The following MTREX variants were observed in gnomAD, a reference collection of about 807,000 sequenced individuals.
MTREX encodes the protein exosome RNA helicase MTR4.
MTREX carries 76 observed loss-of-function variants against 135.4 expected under a neutral mutation model. That is an observed-to-expected ratio of 0.56 (90% CI 0.47 to 0.68). The LOEUF (loss-of-function observed/expected upper bound fraction) is 0.68, where lower values mean the gene tolerates loss of function less well. Ranked by LOEUF, MTREX falls within the 30% of genes least tolerant of loss-of-function variation. The pLI is 0.00. For missense variants in MTREX, 920 were observed against 1,262.1 expected (o/e 0.73, Z 4.11); for synonymous variants, 404 against 401.6 (o/e 1.01, Z -0.07).
Position 55,400,496 on chromosome 5 carries a change from A to G in MTREX, c.2481+75A>G, listed in dbSNP as rs1208953833. ...ATAAATATGTGTTTGTCATTTTCTT[A>G]TCCTGTTGGTTTAATTGGCTAAAAC... is the stretch of plus-strand genomic sequence containing the variant. On this transcript the variant is annotated intron_variant, in intron 21 of 26. Coordinates refer to ENST00000230640, the MANE Select transcript of MTREX (RefSeq NM_015360.5). The G allele has an allele frequency of 5.7e-6, 6 of 1,061,278 alleles. No individual in the cohort carries two copies. In the Admixed American group the frequency reaches 7.9e-5, roughly 14 times the overall value. 65.7% of individuals were successfully genotyped at this position (1,061,278 alleles called of 1,614,324 possible).
chr5:55,358,354 T>G (rs1362176405), intron 14 of MTREX, among the ~76,000 whole-genome samples: 3 of 152,188 alleles, frequency 2.0e-5, no homozygotes, highest in African/African-American at 7.2e-5. Flanking sequence ...AAATTTAGTT[T>G]TGTTATGTCA....
chr5:55,344,696 A>G, intron 9 of MTREX, 76 bp downstream of exon 9: 1 of 831,978 alleles, frequency 1.2e-6, no homozygotes, highest in East Asian at 2.9e-5. Flanking sequence ...TTGTTTTTAA[A>G]TTTTGAATTA....
intron 23 of MTREX, among the ~76,000 whole-genome samples, chr5:55,413,235 G>A (rs1025306344): frequency 1.3e-5 from 2 of 151,728 alleles, no homozygotes; most frequent in African/African-American, 4.8e-5. Flanking sequence ...TACTCAGGAG[G>A]CTGAGGCAGG....
chr5:55,335,204 A>T (rs1749535712), intron 5 of MTREX, among the ~76,000 whole-genome samples: 1 of 152,092 alleles, frequency 6.6e-6, no homozygotes, highest in Admixed American at 6.6e-5. Flanking sequence ...AGAAGTCTTT[A>T]TTAGCATACA....
chr5:55,321,402 A>G (rs1212560125), intron 1 of MTREX, among the ~76,000 whole-genome samples: 2 of 152,058 alleles, frequency 1.3e-5, no homozygotes, highest in East Asian at 3.9e-4. Flanking sequence ...GTTATCTTTT[A>G]AAAATTGATT....
intron 5 of MTREX, among the ~76,000 whole-genome samples, chr5:55,339,200 CTGTT>C (rs1263870967): frequency 2.0e-5 from 3 of 152,026 alleles, no homozygotes. Context: ...TCATACTTTC[CTGTT>C]TGTTTTTATA....
At chr5:55,401,639 C>T (rs1008564154) in intron 21 of MTREX, among the ~76,000 whole-genome samples, 4 of 152,188 alleles carry the variant, frequency 2.6e-5, no homozygotes, top group African/African-American at 4.8e-5. Flanking sequence ...TTCTCTACAT[C>T]TTCGCCAGCA....
At chr5:55,402,729 C>CT (rs920173971) in intron 21 of MTREX, among the ~76,000 whole-genome samples, 143 of 146,854 alleles carry the variant, frequency 9.7e-4, no homozygotes, top group Middle Eastern at 3.5e-3. Context: ...TTATAGTGGT[C>CT]TTTTTTTTTT....
Position 55,366,844 on chromosome 5 carries a change from G to A in MTREX, c.1779G>A (p.Gln593=). 1 of 1,609,170 alleles carries A rather than the reference G, an allele frequency of 6.2e-7. No individual in the cohort carries two copies. Among genetic ancestry groups the A allele is most frequent in the Non-Finnish European group, 8.5e-7 (1 of 1,177,538 alleles). Residue 593 remains glutamine, a synonymous_variant, in exon 16 of 27, where the codon CAG becomes CAA. Coordinates refer to ENST00000230640, the MANE Select transcript of MTREX (RefSeq NM_015360.5). ...TGGAAAAATCCTTCTACCAGTTTCA[G>A]CATTATAGAGCAATTCCAGGAGTAG... ...YMLEKSFYQF[Q]HYRAIPGVVE...
chr5:55,358,349 T>C (rs944474488), intron 14 of MTREX, among the ~76,000 whole-genome samples: 5 of 152,194 alleles, frequency 3.3e-5, no homozygotes, highest in Non-Finnish European at 4.4e-5. Flanking sequence ...GTCTAAAATT[T>C]AGTTTTGTTA....
intron 18 of MTREX, 94 bp downstream of exon 18, chr5:55,379,289 C>T: frequency 2.9e-6 from 2 of 694,970 alleles, no homozygotes; most frequent in East Asian, 5.9e-5. Flanking sequence ...AATAATATTA[C>T]CTGAAGAGAA....
At chr5:55,373,873 G>C (rs1282678138) in intron 16 of MTREX, among the ~76,000 whole-genome samples, 1 of 152,108 alleles carries the variant, frequency 6.6e-6, no homozygotes. Context: ...AGGACACCCA[G>C]CTGGCATCCA....
In MTREX at chr5:55,358,556, T is replaced by G; in HGVS notation, c.1534-17T>G. On this transcript the variant is annotated splice_polypyrimidine_tract_variant and intron_variant, in intron 14 of 26. Transcript: ENST00000230640. ...AGTTTTTTTCCTAAACTCTGAATTT[T>G]AACTATGTTCATTCAGATTTCTTCT... 6.4e-7 allele frequency: 1 copy of G among 1,573,794 alleles called. No individual in the cohort carries two copies. The highest frequency in any genetic ancestry group is 8.6e-7 in the Non-Finnish European group (1 of 1,168,656).
intron 16 of MTREX, among the ~76,000 whole-genome samples, chr5:55,377,124 T>G (rs1435472280): frequency 6.6e-6 from 1 of 151,616 alleles, no homozygotes; most frequent in Non-Finnish European, 1.5e-5. Flanking sequence ...GGTCAGGAGA[T>G]CGAGACCATC....
intron 10 of MTREX, 34 bp from the exon 11 acceptor site, chr5:55,346,979 G>A: frequency 6.4e-7 from 1 of 1,552,710 alleles, no homozygotes; most frequent in Non-Finnish European, 8.7e-7. Context: ...TCTATTTTGA[G>A]TTAATTTTGG....
intron 3 of MTREX, among the ~76,000 whole-genome samples, chr5:55,326,163 G>A (rs958992881): frequency 2.6e-5 from 4 of 152,116 alleles, no homozygotes; most frequent in Admixed American, 6.5e-5. Flanking sequence ...TTGGGAGGGC[G>A]AGGCAGGCGG....
chr5:55,393,054 G>A (rs1382933335), intron 19 of MTREX, among the ~76,000 whole-genome samples: 1 of 152,148 alleles, frequency 6.6e-6, no homozygotes, highest in East Asian at 1.9e-4. Context: ...AGAGGTTCCA[G>A]CCCTATTCTC....
intron 18 of MTREX, 71 bp downstream of exon 18, chr5:55,379,266 C>A: frequency 2.2e-6 from 2 of 913,746 alleles, no homozygotes; most frequent in Non-Finnish European, 3.4e-6. Flanking sequence ...CTTATGAAAT[C>A]GGTCTAAGAA....
chr5:55,346,062 A>T (rs1430663164), intron 10 of MTREX, among the ~76,000 whole-genome samples: 1 of 152,098 alleles, frequency 6.6e-6, no homozygotes, highest in Non-Finnish European at 1.5e-5. Flanking sequence ...TCCATTCATC[A>T]TTGGATGGAC....
Sources: allele counts gnomAD v4.1 joint callset (sites outside exome capture counted in the v4.1 genomes callset), GRCh38; gene constraint gnomAD v4.1.1; transcripts MANE v1.5; gene names NCBI Gene and HGNC (gene_info 2026-07-23, HGNC 2026-07-21).